SLC37A2: variants seen among roughly 807,000 people sequenced by gnomAD.
The protein encoded by SLC37A2 is solute carrier family 37 member 2.
A neutral mutation model predicts 70.7 loss-of-function variants in SLC37A2; 59 were observed. That is an observed-to-expected ratio of 0.83 (90% CI 0.68 to 1.04). The LOEUF (loss-of-function observed/expected upper bound fraction) is 1.04, where lower values mean the gene tolerates loss of function less well. Ranked by LOEUF, SLC37A2 falls within the 50% of genes least tolerant of loss-of-function variation. The pLI is 0.00. For synonymous variants in SLC37A2, 257 were observed against 262.1 expected, an observed-to-expected ratio of 0.98 and a Z score of 0.19; for missense variants, 580 against 658.1, an observed-to-expected ratio of 0.88 and a Z score of 1.30.
Position 125,080,846 on chromosome 11 carries a change from G to A in SLC37A2, c.694+66G>A. On this transcript the variant is annotated intron_variant, in intron 7 of 17. Coordinates refer to ENST00000403796, the MANE Select transcript of SLC37A2 (RefSeq NM_001145290.2). This position sits in a 1 kb window ranked among gnomAD's most constrained non-coding sequence, Gnocchi z 4.3. The stretch of plus-strand genomic sequence containing the variant: ...TCTCGGTTTCTGGGAGAAGGCAGCT[G>A]GATCTACTGGAAAGATTGCTGGTCA... The A allele has an allele frequency of 2.3e-6, 3 of 1,309,468 alleles. No individual in the cohort carries two copies. Among genetic ancestry groups the A allele is most frequent in the Non-Finnish European group, 3.0e-6 (3 of 1,012,512 alleles). 81.1% of individuals were successfully genotyped at this position (1,309,468 alleles called of 1,614,324 possible).
intron 8 of SLC37A2, 115 bp from the exon 9 acceptor site, chr11:125,081,639 A>G: frequency 6.9e-7 from 1 of 1,438,984 alleles, no homozygotes; most frequent in Non-Finnish European, 9.3e-7. Flanking sequence ...CCAGCCCGAG[A>G]CGAACGTGTG....
At position 125,084,252 on chromosome 11, in the gene SLC37A2, T is replaced by C. The variant is rs769596443; in HGVS notation, c.1058T>C (p.Leu353Pro). 6.2e-7 allele frequency: 1 copy of C among 1,614,084 alleles called. No individual in the cohort carries two copies. Among genetic ancestry groups the C allele is most frequent in the African/African-American group, 1.3e-5 (1 of 74,920 alleles). Residue 353 changes from leucine to proline, a missense_variant, in exon 12 of 18, where the codon CTC becomes CCC. Physicochemically the swap from Leu to Pro is moderately conservative, Grantham distance 98. Transcript: ENST00000403796. ...GTTCCAGGCGGCATCGTGGCAGGGC[T>C]CGTCTCTGACTACACCAATGGCAGG... is the stretch of plus-strand genomic sequence containing the variant. ...GGIIGGIVAG[L>P]VSDYTNGRAT...
At chr11:125,068,954 G>T (rs1388513974) in intron 1 of SLC37A2, among the ~76,000 whole-genome samples, 1 of 152,232 alleles carries the variant, frequency 6.6e-6, no homozygotes, top group Admixed American at 6.5e-5. Flanking sequence ...GCTGAAAGTG[G>T]ACTGGCCCTG....
intron 1 of SLC37A2, among the ~76,000 whole-genome samples, chr11:125,068,051 T>C (rs1039042433): frequency 5.3e-5 from 8 of 152,142 alleles, no homozygotes; most frequent in African/African-American, 1.7e-4. Flanking sequence ...CTAGAACACA[T>C]TGGCATTCTA....
In SLC37A2 at chr11:125,089,525, C is replaced by T. The variant is rs1299514480; in HGVS notation, c.*1391C>T. 2 of 152,574 alleles carry T rather than the reference C, an allele frequency of 1.3e-5. No homozygotes were observed. The highest frequency in any genetic ancestry group is 2.4e-5 in the African/African-American group (1 of 41,368). The allele number at this position is 152,574 out of a possible 1,614,324, so 9.5% of individuals were successfully genotyped here. ...GAGGCGCGAGCGGGAACCGGGGCTG[C>T]ATGCAGCGCTTGCGGGCCAGCTGGA... On this transcript the variant is annotated 3_prime_UTR_variant, in exon 18 of 18. Coordinates refer to ENST00000403796, the MANE Select transcript of SLC37A2 (RefSeq NM_001145290.2).
chr11:125,085,173 G>A (rs375373077), intron 14 of SLC37A2, 34 bp downstream of exon 14: 59 of 1,597,638 alleles, frequency 3.7e-5, no homozygotes, highest in South Asian at 1.3e-4. Context: ...GCCAGGGACC[G>A]TTCTGGGGGC....
chr11:125,085,779 G>A lies in SLC37A2; in HGVS notation c.1425+105G>A. ...TGGCCATTTGGGGTTCTGGGGCAAT[G>A]AGAGCAGCTGCCCTTTGCTCAGAAG... On this transcript the variant is annotated intron_variant, in intron 16 of 17. Coordinates refer to ENST00000403796, the MANE Select transcript of SLC37A2 (RefSeq NM_001145290.2). The A allele has an allele frequency of 2.2e-6, 3 of 1,336,810 alleles. No homozygotes were observed. In the Admixed American group the frequency reaches 5.3e-5, roughly 24 times the overall value. 82.8% of individuals were successfully genotyped at this position (1,336,810 alleles called of 1,614,324 possible). A position where few individuals can be genotyped will look rare whatever the true frequency, so the allele number is the denominator to read the frequency against.
At chr11:125,071,682 T>C (rs926113923) in intron 1 of SLC37A2, among the ~76,000 whole-genome samples, 54 of 152,316 alleles carry the variant, frequency 3.5e-4, no homozygotes, top group Middle Eastern at 3.4e-3. Context: ...AACAGAGGAT[T>C]CCCTGAGGGG....
rs773416019 is a variant in SLC37A2 at position 125,077,435 on chromosome 11, C to G, written c.236-15C>G. On this transcript the variant is annotated splice_polypyrimidine_tract_variant and intron_variant, in intron 3 of 17. Coordinates refer to ENST00000403796, the MANE Select transcript of SLC37A2 (RefSeq NM_001145290.2). Reference sequence around the variant, plus strand: ...TCCACGCAGTCAGCTTTCTGTTTCTCCCATCTGCTTTCAGACAAGGACAAC... The same window carrying G: ...TCCACGCAGTCAGCTTTCTGTTTCTGCCATCTGCTTTCAGACAAGGACAAC... The G allele has an allele frequency of 6.2e-7, 1 of 1,611,792 alleles. No individual in the cohort carries two copies. The highest frequency in any genetic ancestry group is 1.7e-5 in the Admixed American group (1 of 59,842).
At chr11:125,077,059 C>T (rs1221923556) in intron 2 of SLC37A2, among the ~76,000 whole-genome samples, 171 bp from the exon 3 acceptor site, 1 of 152,198 alleles carries the variant, frequency 6.6e-6, no homozygotes, top group Non-Finnish European at 1.5e-5. Context: ...GGATGCTGCT[C>T]ATGGGTCTGA....
chr11:125,074,998 C>T (rs1949068200), intron 1 of SLC37A2, among the ~76,000 whole-genome samples: 1 of 152,168 alleles, frequency 6.6e-6, no homozygotes, highest in Non-Finnish European at 1.5e-5. Flanking sequence ...GAGAGTCATG[C>T]TGTGTTCTCT....
chr11:125,076,139 C>T (rs982965023), intron 1 of SLC37A2, among the ~76,000 whole-genome samples: 5 of 152,046 alleles, frequency 3.3e-5, no homozygotes, highest in Non-Finnish European at 5.9e-5. Context: ...AGAAAGAGCA[C>T]GTGTGTGAGC....
At position 125,076,740 on chromosome 11, in the gene SLC37A2, G is replaced by A. The variant is rs1008394178; in HGVS notation, c.60-17G>A. 1.2e-6 allele frequency: 2 copies of A among 1,613,276 alleles called. No homozygotes were observed. Among genetic ancestry groups the A allele is most frequent in the African/African-American group, 2.7e-5 (2 of 74,922 alleles). On this transcript the variant is annotated splice_polypyrimidine_tract_variant and intron_variant, in intron 1 of 17. Transcript: ENST00000403796. ...GGGCTGACTTCCCACTAACGCAGAT[G>A]CTGTCCCTTCCTGCAGGTTCCGAGG...
chr11:125,071,683 C>T (rs1268119256), intron 1 of SLC37A2, among the ~76,000 whole-genome samples: 3 of 152,206 alleles, frequency 2.0e-5, no homozygotes, highest in Non-Finnish European at 4.4e-5. Context: ...ACAGAGGATT[C>T]CCTGAGGGGC....
At chr11:125,081,626 A>G (rs78952857) in intron 8 of SLC37A2, 128 bp from the exon 9 acceptor site, 74,681 of 1,401,280 alleles carry the variant, frequency 0.053, 2,302 homozygotes, top group South Asian at 0.096. Context: ...CTGGCAGGTC[A>G]GTCCAGCCCG....
Position 125,077,533 on chromosome 11 carries a change from G to A in SLC37A2, c.314+5G>A, listed in dbSNP as rs1266850342. ...TGCCATCGGCATGTTCATCAGGTAA[G>A]GACAGAGGCTGAGCCTATGACCAAG... On this transcript the variant is annotated splice_donor_5th_base_variant and intron_variant, in intron 4 of 17. Transcript: ENST00000403796. 6.2e-7 allele frequency: 1 copy of A among 1,612,036 alleles called. No individual in the cohort carries two copies. The highest frequency in any genetic ancestry group is 8.5e-7 in the Non-Finnish European group (1 of 1,178,622).
In SLC37A2 at chr11:125,088,182, C is replaced by A. The variant is rs776777963; in HGVS notation, c.*48C>A. 6.5e-6 allele frequency: 10 copies of A among 1,548,002 alleles called. No individual in the cohort carries two copies. The South Asian group carries it at 8.3e-5, about 13-fold the overall frequency. ...TGGAGGGTCCCAGTTGGGTCCCCAA[C>A]GTGCTCCCCATGGGCAAGACAATGG... On this transcript the variant is annotated 3_prime_UTR_variant, in exon 18 of 18. Coordinates refer to ENST00000403796, the MANE Select transcript of SLC37A2 (RefSeq NM_001145290.2).
chr11:125,087,912 G>T, intron 17 of SLC37A2: 1 of 550,930 alleles, frequency 1.8e-6, no homozygotes, highest in Non-Finnish European at 3.2e-6. Flanking sequence ...GATTACAGGT[G>T]TGAGCCACCG....
chr11:125,076,653 T>C, intron 1 of SLC37A2, 104 bp from the exon 2 acceptor site: 1 of 1,059,106 alleles, frequency 9.4e-7, no homozygotes. Context: ...TTGGTGGTCC[T>C]CAGGCCCTGG....
Sources: allele counts gnomAD v4.1 joint callset (sites outside exome capture counted in the v4.1 genomes callset), GRCh38; gene constraint gnomAD v4.1.1; non-coding constraint Gnocchi (gnomAD v3.1); transcripts MANE v1.5; gene names NCBI Gene and HGNC (gene_info 2026-07-23, HGNC 2026-07-21).